Variants in TMEM163 observed in about 807,000 individuals in gnomAD.
TMEM163 encodes transmembrane protein 163.
A neutral mutation model predicts 29.3 loss-of-function variants in TMEM163; 17 were observed. That is an observed-to-expected ratio of 0.58 (90% CI 0.40 to 0.87). The LOEUF (loss-of-function observed/expected upper bound fraction) is 0.87. Ranked by LOEUF, TMEM163 falls within the 40% of genes least tolerant of loss-of-function variation. The pLI is 0.00. For missense variants in TMEM163, 303 were observed against 381.5 expected, an observed-to-expected ratio of 0.79 and a Z score of 1.71; for synonymous variants, 157 against 160.6, an observed-to-expected ratio of 0.98 and a Z score of 0.17.
intron 4 of TMEM163, among the ~76,000 whole-genome samples, chr2:134,519,326 C>T (rs527334206): frequency 5.3e-5 from 8 of 152,166 alleles, no homozygotes; most frequent in African/African-American, 1.2e-4. Flanking sequence ...CAGCTCCATA[C>T]GAGGCAGCCT....
At chr2:134,488,852 AG>A (rs1429990222) in intron 5 of TMEM163, among the ~76,000 whole-genome samples, 3 of 152,214 alleles carry the variant, frequency 2.0e-5, no homozygotes, top group Admixed American at 2.0e-4. Flanking sequence ...AAACATAAAA[AG>A]TCAGCAGATG....
At chr2:134,529,510 G>T (rs536710006) in intron 4 of TMEM163, among the ~76,000 whole-genome samples, 1 of 150,554 alleles carries the variant, frequency 6.6e-6, no homozygotes, top group Admixed American at 6.6e-5. Flanking sequence ...CACTTTGGGG[G>T]GTCAAGGCAG....
intron 5 of TMEM163, 102 bp from the exon 6 acceptor site, chr2:134,466,327 G>T: frequency 1.1e-6 from 1 of 923,244 alleles, no homozygotes; most frequent in Non-Finnish European, 1.7e-6. Flanking sequence ...AGTACAAATA[G>T]TCAGGTGTGC....
chr2:134,544,612 G>T (rs1680740899), intron 4 of TMEM163, among the ~76,000 whole-genome samples: 1 of 152,112 alleles, frequency 6.6e-6, no homozygotes, highest in Non-Finnish European at 1.5e-5. Context: ...TGGCCAACAT[G>T]GTGAAACCCC....
chr2:134,487,520 C>T lies in TMEM163; in HGVS notation c.555+15381G>A, dbSNP rs549928703. Among the ~76,000 whole-genome samples, 4 of 152,328 alleles carry T rather than the reference C, an allele frequency of 2.6e-5. No individual in the cohort carries two copies. In the South Asian group the frequency reaches 8.3e-4, roughly 32 times the overall value. On this transcript the variant is annotated intron_variant, in intron 5 of 7. Coordinates refer to ENST00000281924, the MANE Select transcript of TMEM163 (RefSeq NM_030923.5). ...GATGCAACTTCACACAACACCCCAACAGGATTTTTCATTAAACTTGGCAAA... is the reference window on the plus strand; with the variant it reads ...GATGCAACTTCACACAACACCCCAATAGGATTTTTCATTAAACTTGGCAAA...
chr2:134,630,494 G>A (rs1682942991), intron 2 of TMEM163, among the ~76,000 whole-genome samples: 1 of 152,098 alleles, frequency 6.6e-6, no homozygotes, highest in African/African-American at 2.4e-5. Context: ...AGACAAGCAG[G>A]GCGAGAGGGA....
chr2:134,704,300 C>T (rs1392677903), intron 2 of TMEM163, among the ~76,000 whole-genome samples: 1 of 152,120 alleles, frequency 6.6e-6, no homozygotes, highest in East Asian at 1.9e-4. Context: ...CCTGGGCACT[C>T]ATTTCCCCAG....
At chr2:134,567,053 G>A (rs1681313513) in intron 2 of TMEM163, among the ~76,000 whole-genome samples, 3 of 152,160 alleles carry the variant, frequency 2.0e-5, no homozygotes, top group Non-Finnish European at 4.4e-5. Context: ...CATTAGAAGG[G>A]CACTGGGAGT....
chr2:134,635,850 G>A (rs561477758), intron 2 of TMEM163, among the ~76,000 whole-genome samples: 9 of 152,170 alleles, frequency 5.9e-5, no homozygotes, highest in South Asian at 2.1e-4. Flanking sequence ...GGAAAAGACC[G>A]TGTGGGTGTG....
At position 134,490,806 on chromosome 2, in the gene TMEM163, G is replaced by A. The variant is rs190370273; in HGVS notation, c.555+12095C>T. Among the ~76,000 whole-genome samples the A allele has an allele frequency of 4.6e-5, 7 of 152,160 alleles. No individual in the cohort carries two copies. The East Asian group carries it at 5.8e-4, about 13-fold the overall frequency. Reference sequence around the variant, plus strand: ...ATGACCGCTAGAGCTCACAGACGCCGCTTTGCTGTGCTAGGGTGTATTGTG... The same window carrying A: ...ATGACCGCTAGAGCTCACAGACGCCACTTTGCTGTGCTAGGGTGTATTGTG... On this transcript the variant is annotated intron_variant, in intron 5 of 7. Transcript: ENST00000281924.
intron 2 of TMEM163, among the ~76,000 whole-genome samples, chr2:134,685,053 T>C (rs1367337734): frequency 1.3e-5 from 2 of 152,140 alleles, no homozygotes. Flanking sequence ...ACCTTGCTGA[T>C]GTTATACTAA....
intron 2 of TMEM163, among the ~76,000 whole-genome samples, chr2:134,592,506 G>T (rs937996803): frequency 3.3e-5 from 5 of 152,154 alleles, no homozygotes; most frequent in African/African-American, 9.7e-5. Context: ...TGGCCACAAA[G>T]AATCTGTTTT....
Position 134,458,014 on chromosome 2 carries a change from G to C in TMEM163, c.809+18C>G, listed in dbSNP as rs1319649755. On this transcript the variant is annotated intron_variant, in intron 7 of 7. Coordinates refer to ENST00000281924, the MANE Select transcript of TMEM163 (RefSeq NM_030923.5). ...TCCTAGCTGCCAGGAAAGCAAACAGGAAAGCACAAGAACCTACTTGACCCC... is the reference window on the plus strand; with the variant it reads ...TCCTAGCTGCCAGGAAAGCAAACAGCAAAGCACAAGAACCTACTTGACCCC... 1 of 1,614,008 alleles carries C rather than the reference G, an allele frequency of 6.2e-7. No homozygotes were observed. The highest frequency in any genetic ancestry group is 2.2e-5 in the East Asian group (1 of 44,878).
intron 2 of TMEM163, among the ~76,000 whole-genome samples, chr2:134,596,120 G>A (rs969983832): frequency 3.3e-5 from 5 of 152,258 alleles, no homozygotes; most frequent in African/African-American, 4.8e-5. Flanking sequence ...AGTTTAATTC[G>A]ATCTCATTTG....
chr2:134,472,910 C>A (rs1219042940), intron 5 of TMEM163, among the ~76,000 whole-genome samples: 4 of 152,154 alleles, frequency 2.6e-5, no homozygotes, highest in African/African-American at 9.7e-5. Context: ...AACTAGAAAT[C>A]AGTAACAGGA....
intron 2 of TMEM163, among the ~76,000 whole-genome samples, chr2:134,609,411 A>G (rs1682439595): frequency 1.4e-5 from 1 of 69,006 alleles, no homozygotes; most frequent in Non-Finnish European, 2.9e-5. Flanking sequence ...TACTGGTGAA[A>G]AGGAAGACAG....
chr2:134,641,854 A>G (rs1683227254), intron 2 of TMEM163, among the ~76,000 whole-genome samples: 1 of 152,162 alleles, frequency 6.6e-6, no homozygotes, highest in African/African-American at 2.4e-5. Flanking sequence ...CTCAAATATA[A>G]TTATATAAAT....
rs759624149 is a variant in TMEM163, at chr2:134,550,534, G to A, written c.458+36C>T. On this transcript the variant is annotated intron_variant, in intron 4 of 7. Transcript: ENST00000281924. Reference sequence around the variant, plus strand: ...CATTCCGTGGCCTTCATCTGCACGGGTTCTTCAGCCTGGAGAAAGACAAGA... The same window carrying A: ...CATTCCGTGGCCTTCATCTGCACGGATTCTTCAGCCTGGAGAAAGACAAGA... The A allele has an allele frequency of 8.1e-6, 13 of 1,599,182 alleles. No homozygotes were observed. The East Asian group carries it at 2.7e-4, about 33-fold the overall frequency.
rs1441597626 is a variant in TMEM163, at chr2:134,718,948, C to T, written c.-13G>A. The stretch of plus-strand genomic sequence containing the variant: ...CGGCCGGCTCCATGGCGCGGGGCTG[C>T]GGATCCCGGCGGCGGCGACGACAAG... On this transcript the variant is annotated 5_prime_UTR_variant, in exon 1 of 8. Transcript: ENST00000281924. 2 of 1,035,492 alleles carry T rather than the reference C, an allele frequency of 1.9e-6. No homozygotes were observed. The highest frequency in any genetic ancestry group is 2.3e-6 in the Non-Finnish European group (2 of 864,494). The allele number at this position is 1,035,492 out of a possible 1,614,324, so 64.1% of individuals were successfully genotyped here. A position where few individuals can be genotyped will look rare whatever the true frequency, so the allele number is the denominator to read the frequency against.
Sources: allele counts gnomAD v4.1 joint callset (sites outside exome capture counted in the v4.1 genomes callset), GRCh38; gene constraint gnomAD v4.1.1; transcripts MANE v1.5; gene names NCBI Gene and HGNC (gene_info 2026-07-23, HGNC 2026-07-21).